The following CERKL variants were observed in gnomAD, a reference collection of about 807,000 sequenced individuals.
The protein encoded by CERKL is CERK like autophagy regulator, also known as ceramide kinase-like protein.
A neutral mutation model predicts 63.4 loss-of-function variants in CERKL; 61 were observed. The observed-to-expected ratio is 0.96, with a 90% confidence interval of 0.78 to 1.19. The LOEUF is 1.19. Ranked by LOEUF, CERKL falls within the 50% of genes most tolerant of loss-of-function variation. The pLI, the probability that CERKL is intolerant of heterozygous loss-of-function variation, is 0.00. For missense variants in CERKL, 675 were observed against 655.5 expected, an observed-to-expected ratio of 1.03 and a Z score of -0.33; for synonymous variants, 250 against 230.5, an observed-to-expected ratio of 1.08 and a Z score of -0.77.
chr2:181,610,454 G>T (rs1685915966), intron 1 of CERKL, among the ~76,000 whole-genome samples: 1 of 152,166 alleles, frequency 6.6e-6, no homozygotes, highest in African/African-American at 2.4e-5. Context: ...AATGTTAATT[G>T]CACTAATATT....
intron 1 of CERKL, among the ~76,000 whole-genome samples, chr2:181,612,280 T>C (rs1686000936): frequency 6.6e-6 from 1 of 152,326 alleles, no homozygotes; most frequent in South Asian, 2.1e-4. Context: ...TTTATTAAGG[T>C]ATAAATTACC....
At chr2:181,594,579 C>T (rs986524441) in intron 2 of CERKL, among the ~76,000 whole-genome samples, 1 of 151,822 alleles carries the variant, frequency 6.6e-6, no homozygotes, top group African/African-American at 2.4e-5. Flanking sequence ...AACCTGACCA[C>T]ACACACAGGC....
chr2:181,656,042 T>C (rs1481486989), intron 1 of CERKL, among the ~76,000 whole-genome samples: 1 of 152,246 alleles, frequency 6.6e-6, no homozygotes, highest in Non-Finnish European at 1.5e-5. Context: ...AAGTATTTGT[T>C]GTAAACTACA....
chr2:181,547,885 T>C (rs761847069), intron 8 of CERKL, 38 bp from the exon 9 acceptor site: 15 of 1,374,910 alleles, frequency 1.1e-5, no homozygotes, highest in African/African-American at 4.1e-5. Flanking sequence ...ATAAAACAGA[T>C]AACGCGCGCA....
At chr2:181,635,487 G>A (rs1328796084) in intron 1 of CERKL, among the ~76,000 whole-genome samples, 1 of 152,046 alleles carries the variant, frequency 6.6e-6, no homozygotes, top group African/African-American at 2.4e-5. Flanking sequence ...TGTTCACCAA[G>A]ATTTCAACTG....
At chr2:181,638,934 GC>G (rs1454538481) in intron 1 of CERKL, among the ~76,000 whole-genome samples, 17 of 151,948 alleles carry the variant, frequency 1.1e-4, no homozygotes, top group African/African-American at 4.1e-4. Context: ...GGTTATTCTT[GC>G]CCATGAGAAA....
chr2:181,603,913 A>T lies in CERKL; in HGVS notation c.405T>A (p.Asn135Lys). The change falls in exon 2 of 13, where the codon AAT becomes AAA. Residue 135 changes from asparagine (N) to lysine (K), a missense_variant. Asn to Lys is a moderately conservative substitution (Grantham distance 94, BLOSUM62 0). Transcript: ENST00000410087. ...TTAAATTAATAAGATCAAGTGTAGA[A>T]TTCTTTAGTTTATTTTGTTCCTTTT... ...CLKKEQNKLK[N>K]STLDLINLSE... The T allele has an allele frequency of 6.2e-7, 1 of 1,612,982 alleles. No individual in the cohort carries two copies. The highest frequency in any genetic ancestry group is 8.5e-7 in the Non-Finnish European group (1 of 1,179,242).
At chr2:181,573,674 T>C (rs1689004252) in intron 3 of CERKL, 79 bp downstream of exon 3, 1 of 1,341,438 alleles carries the variant, frequency 7.5e-7, no homozygotes, top group African/African-American at 1.4e-5. Context: ...TTCCCAAGTT[T>C]GCATTAAGGA....
intron 2 of CERKL, among the ~76,000 whole-genome samples, chr2:181,603,449 A>T (rs1021009509): frequency 2.0e-5 from 3 of 152,226 alleles, no homozygotes; most frequent in Non-Finnish European, 4.4e-5. Flanking sequence ...TCAGACAAAC[A>T]GTACAGAAAA....
At chr2:181,600,507 AG>A (rs1257540565) in intron 2 of CERKL, among the ~76,000 whole-genome samples, 6 of 152,330 alleles carry the variant, frequency 3.9e-5, no homozygotes, top group South Asian at 2.1e-4. Flanking sequence ...CTCAAAGTGA[AG>A]GGATGGAGAA....
At chr2:181,625,123 C>A (rs1489298078) in intron 1 of CERKL, among the ~76,000 whole-genome samples, 1 of 152,036 alleles carries the variant, frequency 6.6e-6, no homozygotes, top group East Asian at 1.9e-4. Flanking sequence ...GAAAAAGCAG[C>A]CCAATGGGGT....
At chr2:181,551,144 T>C (rs545128241) in intron 5 of CERKL, among the ~76,000 whole-genome samples, 8 of 152,166 alleles carry the variant, frequency 5.3e-5, no homozygotes, top group Non-Finnish European at 8.8e-5. Flanking sequence ...TTGCAAATCA[T>C]AAATACGGAA....
intron 5 of CERKL, among the ~76,000 whole-genome samples, chr2:181,552,872 TATA>T (rs1266592479): frequency 8.0e-6 from 1 of 125,230 alleles, no homozygotes; most frequent in East Asian, 2.3e-4. Flanking sequence ...AAGTAAAAAA[TATA>T]TTATTTTTAA....
At chr2:181,631,811 A>G (rs139255431) in intron 1 of CERKL, among the ~76,000 whole-genome samples, 1 of 152,278 alleles carries the variant, frequency 6.6e-6, no homozygotes, top group East Asian at 1.9e-4. Flanking sequence ...AATAGAGTTT[A>G]TTCTGAGTTT....
At chr2:181,566,437 A>C (rs1688671774) in intron 3 of CERKL, among the ~76,000 whole-genome samples, 1 of 152,174 alleles carries the variant, frequency 6.6e-6, no homozygotes, top group Non-Finnish European at 1.5e-5. Context: ...ATGTCCTTTA[A>C]ATCAGAGGCT....
chr2:181,551,884 T>C (rs1375021489), intron 5 of CERKL, among the ~76,000 whole-genome samples: 1 of 152,200 alleles, frequency 6.6e-6, no homozygotes, highest in East Asian at 1.9e-4. Context: ...TGTGGCATCA[T>C]GCTGGCACTC....
intron 1 of CERKL, among the ~76,000 whole-genome samples, chr2:181,653,756 G>A (rs1316191885): frequency 1.3e-5 from 2 of 152,128 alleles, no homozygotes; most frequent in Non-Finnish European, 2.9e-5. Context: ...GGAAGGGGAG[G>A]GGAGAAGGAA....
intron 5 of CERKL, among the ~76,000 whole-genome samples, chr2:181,549,984 T>G (rs1687918451): frequency 6.6e-6 from 1 of 152,160 alleles, no homozygotes; most frequent in Admixed American, 6.6e-5. Context: ...ATCACGAATG[T>G]CTATTTTCTA....
chr2:181,540,925 A>C (rs1420001667), intron 11 of CERKL, among the ~76,000 whole-genome samples: 1 of 152,162 alleles, frequency 6.6e-6, no homozygotes, highest in Non-Finnish European at 1.5e-5. Context: ...GCCTTAAAGA[A>C]CATATAAGAT....
Sources: allele counts gnomAD v4.1 joint callset (sites outside exome capture counted in the v4.1 genomes callset), GRCh38; gene constraint gnomAD v4.1.1; transcripts MANE v1.5; gene names NCBI Gene and HGNC (gene_info 2026-07-23, HGNC 2026-07-21).